Variants in PTPRN2 observed in about 807,000 individuals in gnomAD.
PTPRN2 encodes receptor-type tyrosine-protein phosphatase N2.
Under a neutral mutation model 118.8 loss-of-function variants are expected in PTPRN2, and 74 were observed. The ratio of observed to expected loss-of-function variants is 0.62; its 90% confidence interval spans 0.52 to 0.76. The LOEUF is 0.76. Among genes scored for constraint, PTPRN2 ranks in the 30% least tolerant of loss-of-function variants. The pLI, the probability that PTPRN2 is intolerant of heterozygous loss-of-function variation, is 0.00. For missense variants in PTPRN2, 1,481 were observed against 1,394.4 expected, an observed-to-expected ratio of 1.06 and a Z score of -0.99; for synonymous variants, 641 against 608.0, an observed-to-expected ratio of 1.05 and a Z score of -0.80.
chr7:157,804,697 C>G (rs1302370063), intron 12 of PTPRN2, among the ~76,000 whole-genome samples: 2 of 152,218 alleles, frequency 1.3e-5, no homozygotes, highest in Admixed American at 6.5e-5. Flanking sequence ...TCTCGCCCTA[C>G]TGGGTGACCA....
intron 21 of PTPRN2, among the ~76,000 whole-genome samples, chr7:157,552,146 A>C (rs904888388): frequency 6.6e-6 from 1 of 151,896 alleles, no homozygotes; most frequent in Admixed American, 6.6e-5. Flanking sequence ...CCCCACAGCC[A>C]CCGTGTACCC....
intron 3 of PTPRN2, among the ~76,000 whole-genome samples, chr7:158,271,053 A>ACCTGGACCACCCCCTCC (rs1798465309): frequency 5.1e-5 from 1 of 19,424 alleles, no homozygotes; most frequent in Non-Finnish European, 9.7e-5. Flanking sequence ...GCCTCCCCCC[A>ACCTGGACCACCCCCTCC]ACCTGGGCCA....
chr7:158,268,312 T>C (rs1798022114), intron 3 of PTPRN2, among the ~76,000 whole-genome samples: 1 of 135,892 alleles, frequency 7.4e-6, no homozygotes, highest in Non-Finnish European at 1.5e-5. Flanking sequence ...GGGTGTGAAA[T>C]ATCCCAGCCG....
At chr7:157,727,810 C>A (rs1265538897) in intron 12 of PTPRN2, among the ~76,000 whole-genome samples, 1 of 152,228 alleles carries the variant, frequency 6.6e-6, no homozygotes, top group Non-Finnish European at 1.5e-5. Context: ...ACCCCCGCGA[C>A]CAGCTCTGCT....
chr7:158,176,383 T>A (rs918997218), intron 5 of PTPRN2, among the ~76,000 whole-genome samples: 4 of 152,128 alleles, frequency 2.6e-5, no homozygotes, highest in Non-Finnish European at 5.9e-5. Context: ...GGTACAGACA[T>A]GATTACCCAC....
At chr7:158,514,924 C>G (rs1823424212) in intron 1 of PTPRN2, among the ~76,000 whole-genome samples, 1 of 152,136 alleles carries the variant, frequency 6.6e-6, no homozygotes, top group Admixed American at 6.5e-5. Flanking sequence ...TCAGGGGCAT[C>G]ATCATGAGGC....
At chr7:157,818,228 A>G (rs564173963) in intron 12 of PTPRN2, among the ~76,000 whole-genome samples, 43 of 151,768 alleles carry the variant, frequency 2.8e-4, no homozygotes, top group Non-Finnish European at 5.2e-4. Flanking sequence ...ATGCATGTGT[A>G]TGTGTGTGCC....
Position 157,638,278 on chromosome 7 carries a change from G to A in PTPRN2, c.2197-16769C>T, listed in dbSNP as rs192859783. ...TTGTCCAGCTCTTCACCAACCAAAC[G>A]TGCTCACAAGGAACGGAGCTTGGAG... On this transcript the variant is annotated intron_variant, in intron 14 of 22. Coordinates refer to ENST00000389418, the MANE Select transcript of PTPRN2 (RefSeq NM_002847.5). Among the ~76,000 whole-genome samples, 77 of 152,128 alleles carry A rather than the reference G, an allele frequency of 5.1e-4. 1 individual carries two copies. Among genetic ancestry groups the A allele is most frequent in the Admixed American group, 3.4e-3 (51 of 15,166 alleles).
chr7:158,221,292 T>C (rs1042249236), intron 3 of PTPRN2, among the ~76,000 whole-genome samples: 1 of 151,620 alleles, frequency 6.6e-6, no homozygotes, highest in African/African-American at 2.4e-5. Flanking sequence ...CACACCACTC[T>C]GGACACAGGC....
At position 157,563,028 on chromosome 7, in the gene PTPRN2, C is replaced by T. The variant is rs1412888067; in HGVS notation, c.2902+5874G>A. ...CATGCTCCCACGTCACCACACACAG[C>T]AGATCAGGACCACATGCTCCCGCAT... On this transcript the variant is annotated intron_variant, in intron 21 of 22. Coordinates refer to ENST00000389418, the MANE Select transcript of PTPRN2 (RefSeq NM_002847.5). Among the ~76,000 whole-genome samples the T allele has an allele frequency of 3.5e-4, 45 of 126,944 alleles. 15 individuals are homozygous for T. Among genetic ancestry groups the T allele is most frequent in the African/African-American group, 1.5e-3 (45 of 29,926 alleles). 83.3% of individuals were successfully genotyped at this position (126,944 alleles called of 152,430 possible). A position where few individuals can be genotyped will look rare whatever the true frequency, so the allele number is the denominator to read the frequency against.
chr7:158,026,026 C>T (rs2128879034), intron 11 of PTPRN2, among the ~76,000 whole-genome samples: 1 of 152,396 alleles, frequency 6.6e-6, no homozygotes, highest in East Asian at 1.9e-4. Flanking sequence ...GACCCCTCAG[C>T]TGCTGCTCAG....
chr7:157,837,827 T>G (rs1456559524), intron 12 of PTPRN2, among the ~76,000 whole-genome samples: 1 of 152,216 alleles, frequency 6.6e-6, no homozygotes, highest in Non-Finnish European at 1.5e-5. Flanking sequence ...GACTCAGGGG[T>G]GGGTCCCGTG....
intron 12 of PTPRN2, among the ~76,000 whole-genome samples, chr7:157,889,913 A>G (rs1796700101): frequency 6.6e-6 from 1 of 152,162 alleles, no homozygotes; most frequent in Non-Finnish European, 1.5e-5. Flanking sequence ...TCTCTTATTC[A>G]CCTGTTACGT....
At position 158,253,742 on chromosome 7, in the gene PTPRN2, T is replaced by C. The variant is rs79638174; in HGVS notation, c.278-48469A>G. Among the ~76,000 whole-genome samples the C allele has an allele frequency of 3.1e-3, 465 of 152,194 alleles. 10 individuals are homozygous for C. Among genetic ancestry groups the C allele is most frequent in the Admixed American group, 0.022 (337 of 15,296 alleles). ...AATACTCTAATGGTGAGGAAGGAAA[T>C]TGAGAAAATGATTCATTAGAAGAGC... On this transcript the variant is annotated intron_variant, in intron 3 of 22. Transcript: ENST00000389418.
At chr7:157,916,856 C>T (rs1238762158) in intron 11 of PTPRN2, among the ~76,000 whole-genome samples, 1 of 126,222 alleles carries the variant, frequency 7.9e-6, no homozygotes, top group African/African-American at 3.2e-5. Flanking sequence ...CTCCAGGACA[C>T]GTCCAACACA....
chr7:157,555,053 C>T (rs917018245), intron 21 of PTPRN2, among the ~76,000 whole-genome samples: 1 of 149,194 alleles, frequency 6.7e-6, no homozygotes, highest in African/African-American at 2.6e-5. Context: ...GTGCCTGGGA[C>T]ACCCAGGAAG....
intron 12 of PTPRN2, among the ~76,000 whole-genome samples, chr7:157,875,359 C>T (rs553897460): frequency 1.3e-5 from 2 of 152,250 alleles, no homozygotes; most frequent in South Asian, 2.1e-4. Context: ...TATCAGCGTC[C>T]GTATTCATGG....
chr7:157,643,525 G>A (rs1341658170), intron 14 of PTPRN2, among the ~76,000 whole-genome samples: 1 of 152,236 alleles, frequency 6.6e-6, no homozygotes, highest in African/African-American at 2.4e-5. Context: ...GCAGGGGAAG[G>A]CCGTGATGGC....
intron 5 of PTPRN2, among the ~76,000 whole-genome samples, chr7:158,191,260 C>G (rs932850859): frequency 6.6e-6 from 1 of 152,222 alleles, no homozygotes; most frequent in African/African-American, 2.4e-5. Context: ...AGGGCCACAG[C>G]TCCTGGTGAG....
Sources: gnomAD v4.1 joint callset for allele counts (sites outside exome capture counted in the v4.1 genomes callset) on GRCh38, gnomAD v4.1.1 for gene constraint, MANE v1.5 for transcripts, NCBI Gene and HGNC (gene_info 2026-07-23, HGNC 2026-07-21) for gene names.